Variants in CHI3L1 observed in about 807,000 individuals in gnomAD.
CHI3L1 encodes the protein chitinase-3-like protein 1.
CHI3L1 carries 30 observed loss-of-function variants against 40.7 expected under a neutral mutation model. That is an observed-to-expected ratio of 0.74 (90% CI 0.55 to 1.00). CHI3L1 has a LOEUF of 1.00. Among genes scored for constraint, CHI3L1 ranks in the 50% least tolerant of loss-of-function variants. The probability of loss-of-function intolerance (pLI) is 0.00; values close to 1 mark genes in which losing one functional copy is unlikely to be tolerated. For synonymous variants in CHI3L1, 210 were observed against 192.1 expected (o/e 1.09, Z -0.77); for missense variants, 493 against 492.2 (o/e 1.00, Z -0.01).
intron 9 of CHI3L1, 28 bp from the exon 10 acceptor site, chr1:203,179,613 G>A (rs1655886847): frequency 6.2e-7 from 1 of 1,613,248 alleles, no homozygotes; most frequent in Admixed American, 1.7e-5. Flanking sequence ...GAGGAGCAGG[G>A]CTGGGTTCCC....
chr1:203,179,294 C>A lies in CHI3L1; in HGVS notation c.*151G>T. The A allele has an allele frequency of 4.6e-6, 3 of 657,846 alleles. No individual in the cohort carries two copies. Among genetic ancestry groups the A allele is most frequent in the Non-Finnish European group, 7.7e-6 (3 of 390,698 alleles). The allele number at this position is 657,846 out of a possible 1,614,324, so 40.8% of individuals were successfully genotyped here. On this transcript the variant is annotated 3_prime_UTR_variant, in exon 10 of 10. Transcript: ENST00000255409. Reference sequence around the variant, plus strand: ...CTGCCCACCAGGGCTGAGCTCAAATCTGTGTGTTGTGGACCTCTGCATAGG... The same window carrying A: ...CTGCCCACCAGGGCTGAGCTCAAATATGTGTGTTGTGGACCTCTGCATAGG...
Position 203,182,802 on chromosome 1 carries a change from G to A in CHI3L1, c.516C>T (p.Leu172=). 1 of 1,614,140 alleles carries A rather than the reference G, an allele frequency of 6.2e-7. No homozygotes were observed. Residue 172 remains leucine, a synonymous_variant, in exon 6 of 10, where the codon CTC becomes CTT. Transcript: ENST00000255409. ...IKEAQPGKKQ[L]LLSAALSAGK... ...CCGCAGACAGTGCTGCGCTGAGCAG[G>A]AGCTGCTTTTTCCCTGGCTGGGCTT...
chr1:203,183,708 T>A lies in CHI3L1; in HGVS notation c.398A>T (p.Asp133Val). The part of the protein sequence containing the change: ...VPPFLRTHGF[D>V]GLDLAWLYPG... ...GTAGAGCCAGGCAAGGTCCAGCCCATCAAAGCCATGGGTGCGCAGAAATGG... is the reference window on the plus strand; with the variant it reads ...GTAGAGCCAGGCAAGGTCCAGCCCAACAAAGCCATGGGTGCGCAGAAATGG... Residue 133 changes from aspartate to valine, a missense_variant, in exon 5 of 10, where the codon GAT becomes GTT. Physicochemically the swap from Asp to Val is radical, Grantham distance 152. Coordinates refer to ENST00000255409, the MANE Select transcript of CHI3L1 (RefSeq NM_001276.4). The A allele has an allele frequency of 6.2e-7, 1 of 1,614,098 alleles. No homozygotes were observed. Among genetic ancestry groups the A allele is most frequent in the Non-Finnish European group, 8.5e-7 (1 of 1,180,020 alleles).
At position 203,179,548 on chromosome 1, in the gene CHI3L1, A is replaced by T; in HGVS notation, c.1049T>A (p.Met350Lys). 6 of 1,607,946 alleles carry T rather than the reference A, an allele frequency of 3.7e-6. No individual in the cohort carries two copies. The highest frequency in any genetic ancestry group is 5.1e-6 in the Non-Finnish European group (6 of 1,175,080). The change falls in exon 10 of 10, where the codon ATG (methionine) becomes AAG (lysine). Residue 350 changes from methionine to lysine, a missense_variant. By Grantham distance (95) the Met-to-Lys change is moderately conservative (BLOSUM62 -1). Coordinates refer to ENST00000255409, the MANE Select transcript of CHI3L1 (RefSeq NM_001276.4). The stretch of plus-strand genomic sequence containing the variant: ...GTCATCCAGGTCCAGGGCCCATACC[A>T]TGGCGCCCGCCAGCTGCCTGTCCTT... The part of the protein sequence containing the change: ...YLKDRQLAGA[M>K]VWALDLDDFQ...
chr1:203,180,408 A>G, intron 8 of CHI3L1, 62 bp downstream of exon 8: 2 of 1,425,630 alleles, frequency 1.4e-6, no homozygotes, highest in Non-Finnish European at 1.9e-6. Flanking sequence ...GTGGTGGGGA[A>G]TCACCTTCCC....
At chr1:203,180,791 T>C (rs982982406) in intron 7 of CHI3L1, 139 bp from the exon 8 acceptor site, 10 of 655,860 alleles carry the variant, frequency 1.5e-5, no homozygotes, top group Non-Finnish European at 2.5e-5. Context: ...GAACGGATCA[T>C]GTCACTTTAA....
At position 203,179,788 on chromosome 1, in the gene CHI3L1, G is replaced by A. The variant is rs1347590149; in HGVS notation, c.984C>T (p.Tyr328=). The A allele has an allele frequency of 9.9e-6, 16 of 1,614,054 alleles. No individual in the cohort carries two copies. The highest frequency in any genetic ancestry group is 9.9e-5 in the South Asian group (9 of 91,086). The part of the protein sequence containing the change: ...YATKGNQWVG[Y]DDQESVKSKV... ...TGCTTTTGACGCTTTCCTGGTCGTC[G>A]TATCCTACCCACTGGTTGCCCTTGG... The change falls in exon 9 of 10, where the codon TAC becomes TAT. Residue 328 remains tyrosine, a synonymous_variant. Transcript: ENST00000255409.
At chr1:203,185,814 G>A (rs551868920) in intron 2 of CHI3L1, among the ~76,000 whole-genome samples, 2 of 152,146 alleles carry the variant, frequency 1.3e-5, no homozygotes, top group Non-Finnish European at 2.9e-5. Context: ...CTGCAGTGAG[G>A]TCCTTCATCC....
At chr1:203,183,589 C>T (rs1358777112) in intron 5 of CHI3L1, 52 bp downstream of exon 5, 23 of 1,599,700 alleles carry the variant, frequency 1.4e-5, no homozygotes, top group Non-Finnish European at 2.0e-5. Flanking sequence ...CTAGCCCACC[C>T]CATTCCCTCA....
intron 5 of CHI3L1, 102 bp from the exon 6 acceptor site, chr1:203,182,954 C>G (rs1188846004): frequency 3.3e-6 from 4 of 1,209,972 alleles, no homozygotes; most frequent in Admixed American, 2.0e-5. Context: ...TTGCTGTACT[C>G]CCCAACCTGC....
intron 9 of CHI3L1, 25 bp downstream of exon 9, chr1:203,179,736 G>C (rs779084360): frequency 3.1e-6 from 5 of 1,614,054 alleles, no homozygotes; most frequent in Non-Finnish European, 4.2e-6. Flanking sequence ...TCTTTGTCCT[G>C]AGGTGTGGCC....
intron 6 of CHI3L1, chr1:203,182,208 C>T (rs1304835247): frequency 6.4e-6 from 1 of 155,776 alleles, no homozygotes; most frequent in African/African-American, 2.4e-5. Flanking sequence ...TGGCTCTGCT[C>T]TCAGGAGAGA....
In CHI3L1 at chr1:203,181,423, C is replaced by A. The variant is rs886147988; in HGVS notation, c.588-138G>T. On this transcript the variant is annotated intron_variant, in intron 6 of 9. Transcript: ENST00000255409. ...GGATCATGAGGTGAGGAGTTCAAGA[C>A]CAGCCTGGCCAAGATGGTGAAACCC... is the stretch of plus-strand genomic sequence containing the variant. 1.2e-4 allele frequency: 97 copies of A among 832,448 alleles called. 3 individuals carry two copies. In the South Asian group the frequency reaches 1.7e-3, roughly 15 times the overall value. 51.6% of individuals were successfully genotyped at this position (832,448 alleles called of 1,614,324 possible). A position where few individuals can be genotyped will look rare whatever the true frequency, so the allele number is the denominator to read the frequency against.
chr1:203,186,011 A>G (rs535594070), intron 2 of CHI3L1, among the ~76,000 whole-genome samples: 1 of 152,192 alleles, frequency 6.6e-6, no homozygotes, highest in East Asian at 1.9e-4. Flanking sequence ...TGTGGGCATC[A>G]CTCATCCAAG....
chr1:203,185,293 G>A lies in CHI3L1; in HGVS notation c.148C>T (p.Leu50Phe). 1 of 1,614,238 alleles carries A rather than the reference G, an allele frequency of 6.2e-7. No individual in the cohort carries two copies. Among genetic ancestry groups the A allele is most frequent in the Non-Finnish European group, 8.5e-7 (1 of 1,180,026 alleles). Residue 50 changes from leucine to phenylalanine, a missense_variant, in exon 3 of 10, where the codon CTC becomes TTC. By Grantham distance (22) the Leu-to-Phe change is conservative. Coordinates refer to ENST00000255409, the MANE Select transcript of CHI3L1 (RefSeq NM_001276.4). ...AAGCTGTAGATGATGTGGGTACAGAGGAAGCGGTCAAGGGCATCTGGGAAG... is the reference window on the plus strand; with the variant it reads ...AAGCTGTAGATGATGTGGGTACAGAAGAAGCGGTCAAGGGCATCTGGGAAG... ...SCFPDALDRFLCTHIIYSFAN... is the reference protein window; with the variant it reads ...SCFPDALDRFFCTHIIYSFAN...
intron 8 of CHI3L1, 68 bp from the exon 9 acceptor site, chr1:203,179,945 G>C: frequency 7.0e-7 from 1 of 1,427,256 alleles, no homozygotes; most frequent in Admixed American, 1.7e-5. Flanking sequence ...ACCAGGAGAC[G>C]CCACTCTCCA....
At position 203,183,621 on chromosome 1, in the gene CHI3L1, G is replaced by C; in HGVS notation, c.465+20C>G. 1 of 1,613,528 alleles carries C rather than the reference G, an allele frequency of 6.2e-7. No homozygotes were observed. Among genetic ancestry groups the C allele is most frequent in the Non-Finnish European group, 8.5e-7 (1 of 1,179,800 alleles). On this transcript the variant is annotated intron_variant, in intron 5 of 9. Coordinates refer to ENST00000255409, the MANE Select transcript of CHI3L1 (RefSeq NM_001276.4). The stretch of plus-strand genomic sequence containing the variant: ...CTCATGCCTGCCCACCTCCCTCCCT[G>C]TCCCTGACCTGACCAGCACCTTGAT...
Position 203,179,504 on chromosome 1 carries a change from CACA to C in CHI3L1, c.1090_1092del (p.Cys364del), listed in dbSNP as rs758355079. On this transcript the variant is annotated inframe_deletion, in exon 10 of 10. Transcript: ENST00000255409. ...GTGAGAGGGAAGCGCAGATCCTGGC[CACA>C]GAAGGAGCCCTGGAAGTCATCCAGG... 1.9e-6 allele frequency: 3 copies of C among 1,578,362 alleles called. No individual in the cohort carries two copies.
At chr1:203,185,152 G>C (rs765767201) in intron 3 of CHI3L1, 32 bp downstream of exon 3, 2 of 1,604,500 alleles carry the variant, frequency 1.2e-6, no homozygotes, top group South Asian at 2.2e-5. Context: ...AGCCCAGCTG[G>C]TCCCTCCTCT....
Sources: allele counts gnomAD v4.1 joint callset (sites outside exome capture counted in the v4.1 genomes callset), GRCh38; gene constraint gnomAD v4.1.1; transcripts MANE v1.5; gene names NCBI Gene and HGNC (gene_info 2026-07-23, HGNC 2026-07-21).